Variants in ZBTB20 observed in about 807,000 individuals in gnomAD.
ZBTB20 encodes zinc finger and BTB domain-containing protein 20.
Under a neutral mutation model 56.9 loss-of-function variants are expected in ZBTB20, and 9 were observed. The ratio of observed to expected loss-of-function variants is 0.16; its 90% CI spans 0.10 to 0.28. ZBTB20 has a LOEUF of 0.28. Among genes scored for constraint, ZBTB20 ranks in the 10% least tolerant of loss-of-function variants. The pLI is 1.00. For missense variants in ZBTB20, 655 were observed against 1,003.0 expected (o/e 0.65, Z 4.69); for synonymous variants, 417 against 420.7 (o/e 0.99, Z 0.11).
intron 7 of ZBTB20, among the ~76,000 whole-genome samples, chr3:114,416,348 T>C (rs1417610039): frequency 2.0e-5 from 3 of 147,566 alleles, no homozygotes; most frequent in Non-Finnish European, 4.5e-5. Flanking sequence ...AAAAAACAAC[T>C]AACTAAATAG....
At chr3:114,917,027 C>T (rs75832104) in intron 3 of ZBTB20, among the ~76,000 whole-genome samples, 2,657 of 152,114 alleles carry the variant, frequency 0.017, 40 homozygotes, top group African/African-American at 0.036. Flanking sequence ...AACTGTTGCC[C>T]TGTTGAGTAT....
At chr3:114,933,020 G>C (rs2076410735) in intron 3 of ZBTB20, among the ~76,000 whole-genome samples, 1 of 152,112 alleles carries the variant, frequency 6.6e-6, no homozygotes, top group South Asian at 2.1e-4. Flanking sequence ...ATGATGAGAA[G>C]CAATGGGGAG....
At chr3:114,809,401 T>C (rs1341037580) in intron 4 of ZBTB20, among the ~76,000 whole-genome samples, 1 of 152,120 alleles carries the variant, frequency 6.6e-6, no homozygotes, top group Non-Finnish European at 1.5e-5. Flanking sequence ...TTTCTATTAA[T>C]TGATCTTCAA....
intron 5 of ZBTB20, among the ~76,000 whole-genome samples, chr3:114,784,819 T>A (rs778267192): frequency 6.6e-6 from 1 of 152,244 alleles, no homozygotes; most frequent in Non-Finnish European, 1.5e-5. Context: ...TGAACATTTA[T>A]CCCTTCTCTT....
At chr3:114,750,511 G>A (rs1233004254) in intron 5 of ZBTB20, among the ~76,000 whole-genome samples, 2 of 152,156 alleles carry the variant, frequency 1.3e-5, no homozygotes, top group African/African-American at 2.4e-5. Flanking sequence ...TAAGTAGTAC[G>A]ATCCAAGGTG....
At chr3:115,125,100 T>C (rs1369884360) in intron 1 of ZBTB20, among the ~76,000 whole-genome samples, 1 of 151,892 alleles carries the variant, frequency 6.6e-6, no homozygotes, top group East Asian at 1.9e-4. Flanking sequence ...CCCAGCACTT[T>C]GGAAAACCAA....
intron 8 of ZBTB20, 67 bp from the exon 9 acceptor site, chr3:114,381,007 G>C (rs780977162): frequency 3.1e-5 from 11 of 351,412 alleles, no homozygotes; most frequent in Non-Finnish European, 5.1e-5. Context: ...TTCTACTCAT[G>C]GACTACATTA....
chr3:115,122,654 C>T (rs909661130), intron 1 of ZBTB20, among the ~76,000 whole-genome samples: 1 of 152,044 alleles, frequency 6.6e-6, no homozygotes, highest in African/African-American at 2.4e-5. Context: ...TCCCATTGAA[C>T]ATTTGTCTAT....
chr3:114,463,938 A>G (rs775189205), intron 7 of ZBTB20, among the ~76,000 whole-genome samples: 4 of 152,254 alleles, frequency 2.6e-5, no homozygotes, highest in African/African-American at 4.8e-5. Flanking sequence ...TAATTTCAAC[A>G]TAAGTCATTA....
intron 4 of ZBTB20, among the ~76,000 whole-genome samples, chr3:114,887,596 A>T (rs1410685055): frequency 6.6e-6 from 1 of 152,200 alleles, no homozygotes; most frequent in African/African-American, 2.4e-5. Context: ...CAAAAGCCAA[A>T]GAATAAATGG....
chr3:115,126,033 G>T (rs529140930), intron 1 of ZBTB20, among the ~76,000 whole-genome samples: 1 of 151,842 alleles, frequency 6.6e-6, no homozygotes, highest in South Asian at 2.1e-4. Flanking sequence ...TTAAAAAGAA[G>T]AAAAATAGGT....
intron 7 of ZBTB20, among the ~76,000 whole-genome samples, chr3:114,424,701 T>C (rs1405684856): frequency 1.3e-5 from 2 of 152,186 alleles, no homozygotes; most frequent in Admixed American, 1.3e-4. Flanking sequence ...AGTTGTAGTT[T>C]GCATGGGCTC....
chr3:114,608,039 C>T (rs1394350408), intron 6 of ZBTB20, among the ~76,000 whole-genome samples: 1 of 152,070 alleles, frequency 6.6e-6, no homozygotes, highest in Non-Finnish European at 1.5e-5. Context: ...AACTAGAACT[C>T]AGGATCCATT....
intron 4 of ZBTB20, among the ~76,000 whole-genome samples, chr3:114,866,992 T>C (rs555763010): frequency 2.0e-5 from 3 of 152,300 alleles, no homozygotes; most frequent in African/African-American, 7.2e-5. Context: ...TCTGGAAACA[T>C]AGTACATAGT....
At chr3:115,049,412 G>A (rs1435088371) in intron 2 of ZBTB20, among the ~76,000 whole-genome samples, 3 of 151,956 alleles carry the variant, frequency 2.0e-5, no homozygotes, top group South Asian at 2.1e-4. Context: ...AAAGTGTTTC[G>A]TATTTCAGAT....
At chr3:114,631,927 C>A (rs2058981325) in intron 6 of ZBTB20, among the ~76,000 whole-genome samples, 1 of 152,138 alleles carries the variant, frequency 6.6e-6, no homozygotes, top group Non-Finnish European at 1.5e-5. Context: ...GGTGCTTTTG[C>A]TGTATAATTA....
At chr3:114,619,121 A>T (rs1360636723) in intron 6 of ZBTB20, among the ~76,000 whole-genome samples, 2 of 152,316 alleles carry the variant, frequency 1.3e-5, no homozygotes, top group East Asian at 3.9e-4. Flanking sequence ...TTAAGGATGA[A>T]CAGGTTGTTT....
At chr3:114,524,568 T>G (rs1227322594) in intron 6 of ZBTB20, among the ~76,000 whole-genome samples, 1 of 152,110 alleles carries the variant, frequency 6.6e-6, no homozygotes, top group Admixed American at 6.6e-5. Context: ...TTCTACTACC[T>G]CCTCAATGTT....
rs929155113 is a variant in ZBTB20 at position 114,977,994 on chromosome 3, G to C, written c.-506-3578C>G. 8.1e-5 allele frequency among the ~76,000 whole-genome samples: 7 copies of C among 86,880 alleles called. No homozygotes were observed. The East Asian group carries it at 2.1e-3, about 26-fold the overall frequency. 57.0% of individuals were successfully genotyped at this position (86,880 alleles called of 152,430 possible). A position where few individuals can be genotyped will look rare whatever the true frequency, so the allele number is the denominator to read the frequency against. On this transcript the variant is annotated intron_variant, in intron 2 of 11. Coordinates refer to ENST00000675478, the MANE Select transcript of ZBTB20 (RefSeq NM_001348800.3). ...CCACTGTACTCCAGTATGGGCAAGA[G>C]AACAAGACCCAGTCTCAAAAAAAAA...
Sources: allele counts gnomAD v4.1 joint callset (sites outside exome capture counted in the v4.1 genomes callset), GRCh38; gene constraint gnomAD v4.1.1; transcripts MANE v1.5; gene names NCBI Gene and HGNC (gene_info 2026-07-23, HGNC 2026-07-21).